LRBA: variants seen among roughly 807,000 people sequenced by gnomAD.
LRBA encodes the protein LPS responsive beige-like anchor protein.
A neutral mutation model predicts 330.0 loss-of-function variants in LRBA; 176 were observed. The ratio of observed to expected loss-of-function variants is 0.53; its 90% CI spans 0.47 to 0.60. The LOEUF (loss-of-function observed/expected upper bound fraction) is 0.60. Among genes scored for constraint, LRBA ranks in the 20% least tolerant of loss-of-function variants. LRBA has a pLI of 0.00. For missense variants in LRBA, 3,259 were observed against 3,444.8 expected, an observed-to-expected ratio of 0.95 and a Z score of 1.35; for synonymous variants, 1,230 against 1,193.0, an observed-to-expected ratio of 1.03 and a Z score of -0.64.
Position 150,852,879 on chromosome 4 carries a change from T to A in LRBA, c.2831A>T (p.Asp944Val). ...TGAAGAACACAGCCCTATTTCTTCA[T>A]CAACTTTTCCTTGCTGTTCCCTAAA... ...NIFREQQGKV[D>V]EEIGLCSSTS... The change falls in exon 23 of 57, where the codon GAT (aspartate) becomes GTT (valine). Residue 944 changes from aspartate to valine, a missense_variant. Asp to Val is a radical substitution (Grantham distance 152). Transcript: ENST00000651943. 2 of 1,609,844 alleles carry A rather than the reference T, an allele frequency of 1.2e-6. No homozygotes were observed.
At chr4:150,769,479 G>C (rs1250446364) in intron 34 of LRBA, among the ~76,000 whole-genome samples, 1 of 152,160 alleles carries the variant, frequency 6.6e-6, no homozygotes, top group Non-Finnish European at 1.5e-5. Flanking sequence ...GCAGCCTCTA[G>C]ACCCAGGAAG....
chr4:151,002,196 C>CAAAAAAAAAA (rs143587760), intron 2 of LRBA, among the ~76,000 whole-genome samples: 44 of 24,386 alleles, frequency 1.8e-3, no homozygotes, highest in African/African-American at 4.3e-3. Context: ...CATAAAACAG[C>CAAAAAAAAAA]AAAAAAAAAA....
At position 150,322,927 on chromosome 4, in the gene LRBA, T is replaced by TATA. The variant is rs1420739044; in HGVS notation, c.7453-1562_7453-1560dup. On this transcript the variant is annotated intron_variant, in intron 49 of 56. Coordinates refer to ENST00000651943, the MANE Select transcript of LRBA (RefSeq NM_001364905.1). ...TGCCTGCTAATTACTACACCTGGTGTATATTATGGTTCATGCACTTAACGC... is the reference window on the plus strand; with the variant it reads ...TGCCTGCTAATTACTACACCTGGTGTATAATATTATGGTTCATGCACTTAACGC... Among the ~76,000 whole-genome samples, 6 of 152,054 alleles carry TATA rather than the reference T, an allele frequency of 3.9e-5. No homozygotes were observed. In the East Asian group the frequency reaches 1.2e-3, roughly 29 times the overall value.
At chr4:150,454,249 A>G (rs940152464) in intron 44 of LRBA, among the ~76,000 whole-genome samples, 4 of 152,140 alleles carry the variant, frequency 2.6e-5, no homozygotes, top group South Asian at 2.1e-4. Context: ...GTGAGCCACC[A>G]CAACCAACCT....
At position 151,014,411 on chromosome 4, in the gene LRBA, A is replaced by G. The variant is rs1745199334; in HGVS notation, c.216+16T>C. ...ACTGAAAAGAGTATATGCTTATAAA[A>G]TATTCATGGACTTACCAGGTTAAAG... On this transcript the variant is annotated intron_variant, in intron 2 of 56. Transcript: ENST00000651943. The G allele has an allele frequency of 6.3e-7, 1 of 1,598,410 alleles. No individual in the cohort carries two copies. The highest frequency in any genetic ancestry group is 1.3e-5 in the African/African-American group (1 of 74,732).
At chr4:150,939,409 G>A (rs909031930) in intron 2 of LRBA, among the ~76,000 whole-genome samples, 4 of 152,156 alleles carry the variant, frequency 2.6e-5, no homozygotes, top group Non-Finnish European at 4.4e-5. Context: ...ACTTCTATAT[G>A]CCAAAGAATG....
chr4:150,958,470 G>A (rs1737789358), intron 2 of LRBA, among the ~76,000 whole-genome samples: 1 of 149,266 alleles, frequency 6.7e-6, no homozygotes. Context: ...GGCCTGTGAT[G>A]GGAGGGGCTT....
chr4:150,636,573 A>G (rs1777933975), intron 37 of LRBA, among the ~76,000 whole-genome samples: 1 of 152,192 alleles, frequency 6.6e-6, no homozygotes, highest in Non-Finnish European at 1.5e-5. Flanking sequence ...TCAAGGCTTT[A>G]GGTGCATTCA....
At chr4:150,655,634 A>G (rs533887867) in intron 37 of LRBA, among the ~76,000 whole-genome samples, 2 of 152,328 alleles carry the variant, frequency 1.3e-5, no homozygotes, top group East Asian at 3.9e-4. Context: ...CACTTGGCAA[A>G]CCAAAAGTTT....
At chr4:150,546,427 T>C (rs1331469844) in intron 40 of LRBA, among the ~76,000 whole-genome samples, 1 of 152,208 alleles carries the variant, frequency 6.6e-6, no homozygotes, top group Non-Finnish European at 1.5e-5. Context: ...GCAAAGCCCT[T>C]TTGGGACACT....
intron 56 of LRBA, among the ~76,000 whole-genome samples, chr4:150,272,695 A>G (rs1340932744): frequency 6.6e-6 from 1 of 151,884 alleles, no homozygotes; most frequent in East Asian, 1.9e-4. Flanking sequence ...CAAATCGATC[A>G]AGCAGAAGAA....
chr4:150,838,471 T>C (rs1451047862), intron 28 of LRBA, among the ~76,000 whole-genome samples: 1 of 152,216 alleles, frequency 6.6e-6, no homozygotes, highest in African/African-American at 2.4e-5. Context: ...CCCATATTTC[T>C]TGGAGGCTTC....
intron 18 of LRBA, among the ~76,000 whole-genome samples, chr4:150,871,951 C>A (rs1191088137): frequency 2.6e-5 from 4 of 152,294 alleles, no homozygotes; most frequent in Middle Eastern, 3.4e-3. Context: ...GGATCACAAA[C>A]TTTAATTTTA....
intron 40 of LRBA, among the ~76,000 whole-genome samples, chr4:150,559,354 A>G (rs1248095837): frequency 1.3e-5 from 2 of 151,128 alleles, no homozygotes; most frequent in Non-Finnish European, 2.9e-5. Context: ...TGAGGTCAAG[A>G]GATTGAGACC....
chr4:150,822,912 G>A (rs1745672786), intron 30 of LRBA, among the ~76,000 whole-genome samples: 2 of 152,118 alleles, frequency 1.3e-5, no homozygotes, highest in African/African-American at 4.8e-5. Flanking sequence ...GGGCATGGTG[G>A]CACACATCAG....
intron 47 of LRBA, among the ~76,000 whole-genome samples, chr4:150,375,083 AGG>A (rs34668782): frequency 2.6e-5 from 4 of 152,072 alleles, no homozygotes; most frequent in Non-Finnish European, 4.4e-5. Context: ...TGTAAGAGTA[AGG>A]GGGGGAATTA....
At chr4:150,655,753 A>G (rs886368620) in intron 37 of LRBA, among the ~76,000 whole-genome samples, 2 of 152,242 alleles carry the variant, frequency 1.3e-5, no homozygotes, top group African/African-American at 4.8e-5. Flanking sequence ...TAGCAATGGA[A>G]ATGAAAAATA....
intron 31 of LRBA, among the ~76,000 whole-genome samples, chr4:150,810,348 C>T (rs771661555): frequency 6.6e-6 from 1 of 152,194 alleles, no homozygotes; most frequent in African/African-American, 2.4e-5. Flanking sequence ...ATACCTAGTA[C>T]AAAATGAACT....
chr4:150,588,623 A>G (rs1291940432), intron 39 of LRBA, among the ~76,000 whole-genome samples: 2 of 152,222 alleles, frequency 1.3e-5, no homozygotes, highest in African/African-American at 4.8e-5. Context: ...CATGGCTACA[A>G]AAAGATCACT....
Sources: gnomAD v4.1 joint callset for allele counts (sites outside exome capture counted in the v4.1 genomes callset) on GRCh38, gnomAD v4.1.1 for gene constraint, MANE v1.5 for transcripts, NCBI Gene and HGNC (gene_info 2026-07-23, HGNC 2026-07-21) for gene names.